Variants in ZNF568 observed in about 807,000 individuals in gnomAD.
The protein encoded by ZNF568 is p53 inhibitor of SCO2 activation.
A neutral mutation model predicts 18.1 loss-of-function variants in ZNF568; 11 were observed. The observed-to-expected ratio is 0.61, with a 90% confidence interval of 0.38 to 1.00. ZNF568 has a LOEUF of 1.00. Among genes scored for constraint, ZNF568 ranks in the 50% least tolerant of loss-of-function variants. The probability of loss-of-function intolerance (pLI) is 0.01; values close to 1 mark genes in which losing one functional copy is unlikely to be tolerated. For synonymous variants in ZNF568, 213 were observed against 246.6 expected, an observed-to-expected ratio of 0.86 and a Z score of 1.28; for missense variants, 639 against 768.2, an observed-to-expected ratio of 0.83 and a Z score of 1.99.
chr19:36,934,430 C>T (rs1023019434), intron 4 of ZNF568, among the ~76,000 whole-genome samples: 2 of 151,618 alleles, frequency 1.3e-5, no homozygotes, highest in Non-Finnish European at 2.9e-5. Flanking sequence ...CACTTCAGCC[C>T]GGTCCCCTAA....
At chr19:36,961,151 T>TC (rs1182959921) in intron 6 of ZNF568, among the ~76,000 whole-genome samples, 3 of 152,176 alleles carry the variant, frequency 2.0e-5, no homozygotes, top group Non-Finnish European at 4.4e-5. Flanking sequence ...GCAGTCTCTC[T>TC]CTTTAGATCT....
chr19:36,967,248 AT>A (rs2074201312), intron 6 of ZNF568, among the ~76,000 whole-genome samples: 1 of 152,118 alleles, frequency 6.6e-6, no homozygotes, highest in African/African-American at 2.4e-5. Flanking sequence ...TTGCTTAATA[AT>A]TCTTTATATT....
chr19:36,992,316 A>G (rs755864596), intron 4 of ZNF568, among the ~76,000 whole-genome samples: 3 of 151,730 alleles, frequency 2.0e-5, no homozygotes, highest in Non-Finnish European at 2.9e-5. Flanking sequence ...AACCTGGCCA[A>G]CATGGTGAAA....
downstream of ZNF568, chr19:36,997,656 C>A: frequency 7.5e-7 from 1 of 1,327,558 alleles, no homozygotes; most frequent in South Asian, 1.3e-5. Flanking sequence ...GTGGAAAGGC[C>A]TTCATTCGGG....
intron 2 of ZNF568, among the ~76,000 whole-genome samples, chr19:36,987,506 A>G (rs2074385958): frequency 6.6e-6 from 1 of 152,070 alleles, no homozygotes. Context: ...GGCTTGAGGG[A>G]GGCTGGAACC....
At chr19:36,984,901 T>G (rs2074363133), downstream of ZNF568, among the ~76,000 whole-genome samples, 1 of 152,158 alleles carries the variant, frequency 6.6e-6, no homozygotes, top group Non-Finnish European at 1.5e-5. Flanking sequence ...GGTGTGATTG[T>G]CTAGGCATGG....
At chr19:36,972,805 C>T (rs1020528266) in intron 6 of ZNF568, among the ~76,000 whole-genome samples, 1 of 152,236 alleles carries the variant, frequency 6.6e-6, no homozygotes, top group African/African-American at 2.4e-5. Flanking sequence ...TGGGCACACA[C>T]ACAAACCCCA....
chr19:36,932,059 C>G (rs555004075), intron 4 of ZNF568, among the ~76,000 whole-genome samples: 4 of 152,162 alleles, frequency 2.6e-5, no homozygotes, highest in African/African-American at 7.2e-5. Flanking sequence ...GTAGCTTGTA[C>G]GAGTACTTTT....
At chr19:36,953,616 T>C (rs928698417), downstream of ZNF568, among the ~76,000 whole-genome samples, 1 of 152,104 alleles carries the variant, frequency 6.6e-6, no homozygotes. Context: ...AATGCCTTTT[T>C]AAAAAGGAGA....
chr19:36,991,241 T>C lies in ZNF568; in HGVS notation c.75T>C (p.Ala25=), dbSNP rs1462983474. The change falls in exon 3 of 5, where the codon GCT becomes GCC. Residue 25 remains alanine (A), a synonymous_variant. Coordinates refer to the ZNF568 transcript ENST00000433993. ...AGGAGTGGGAATGCTTGCACTCTGC[T>C]CAGAAGGATTTGTACCGAGATGTAA... 5 of 1,536,430 alleles carry C rather than the reference T, an allele frequency of 3.3e-6. No individual in the cohort carries two copies. The South Asian group carries it at 6.0e-5, about 18-fold the overall frequency.
intron 2 of ZNF568, 76 bp from the exon 3 acceptor site, chr19:36,922,510 C>T: frequency 2.9e-6 from 1 of 349,186 alleles, no homozygotes; most frequent in Non-Finnish European, 5.2e-6. Context: ...TCACTGGGGG[C>T]CATCTTGGAA....
At chr19:36,990,854 A>G (rs955345524) in intron 2 of ZNF568, among the ~76,000 whole-genome samples, 1 of 152,202 alleles carries the variant, frequency 6.6e-6, no homozygotes, top group Non-Finnish European at 1.5e-5. Flanking sequence ...TGCTTAACAT[A>G]GGGTGTTCCG....
At chr19:36,963,167 G>T (rs1467059392) in intron 6 of ZNF568, among the ~76,000 whole-genome samples, 1 of 152,142 alleles carries the variant, frequency 6.6e-6, no homozygotes. Flanking sequence ...ATGAATATTT[G>T]TGTAAAAATT....
At chr19:36,974,205 G>A (rs1166232593) in intron 6 of ZNF568, among the ~76,000 whole-genome samples, 1 of 152,164 alleles carries the variant, frequency 6.6e-6, no homozygotes, top group African/African-American at 2.4e-5. Context: ...CTGTTATGGA[G>A]GAAGAGGGCT....
intron 6 of ZNF568, among the ~76,000 whole-genome samples, chr19:36,972,621 C>T (rs1460967643): frequency 7.6e-6 from 1 of 130,822 alleles, no homozygotes; most frequent in African/African-American, 3.0e-5. Flanking sequence ...CTTAGCCACC[C>T]GGCTTTATCG....
intron 6 of ZNF568, among the ~76,000 whole-genome samples, chr19:36,967,864 C>T (rs569979197): frequency 1.3e-5 from 2 of 152,170 alleles, no homozygotes; most frequent in Non-Finnish European, 2.9e-5. Context: ...AGTAAAGAAT[C>T]TCATCTTTCT....
At chr19:36,997,039 C>A in exon 5 of ZNF568, 1 of 1,563,742 alleles carries the variant, frequency 6.4e-7, no homozygotes, top group Non-Finnish European at 8.6e-7. Context: ...GGGTGAGAAA[C>A]CCCATAAATG....
At chr19:36,925,636 G>T (rs963921206) in intron 4 of ZNF568, among the ~76,000 whole-genome samples, 1 of 151,818 alleles carries the variant, frequency 6.6e-6, no homozygotes, top group Admixed American at 6.6e-5. Flanking sequence ...TGTATCTGTA[G>T]ATTCTGCATC....
intron 2 of ZNF568, among the ~76,000 whole-genome samples, chr19:36,987,638 A>C (rs1410595769): frequency 1.3e-5 from 2 of 151,188 alleles, no homozygotes; most frequent in Non-Finnish European, 2.9e-5. Context: ...TCCATGGCTG[A>C]GGGTCTCAGT....
Sources: gnomAD v4.1 joint callset for allele counts (sites outside exome capture counted in the v4.1 genomes callset) on GRCh38, gnomAD v4.1.1 for gene constraint, MANE v1.5 for transcripts, NCBI Gene and HGNC (gene_info 2026-07-23, HGNC 2026-07-21) for gene names.